Variants in FOCAD observed in about 807,000 individuals in gnomAD.
FOCAD encodes KIAA1797.
In FOCAD, 198 loss-of-function variants were observed where a neutral mutation model predicts 225.6. That is an observed-to-expected ratio of 0.88 (90% confidence interval 0.78 to 0.99). The LOEUF (loss-of-function observed/expected upper bound fraction) is 0.99, where lower values mean the gene tolerates loss of function less well. Among genes scored for constraint, FOCAD ranks in the 50% least tolerant of loss-of-function variants. The probability of loss-of-function intolerance (pLI) is 0.00; values close to 1 mark genes in which losing one functional copy is unlikely to be tolerated. For synonymous variants in FOCAD, 897 were observed against 755.0 expected, an observed-to-expected ratio of 1.19 and a Z score of -3.08; for missense variants, 2,713 against 2,123.6, an observed-to-expected ratio of 1.28 and a Z score of -5.46.
rs1264739950 is a variant in FOCAD, at chr9:20,820,387, G to T, written c.1624G>T (p.Val542Phe). Reference sequence around the variant, plus strand: ...TGGAACCACACCACGACTAAGAGCTGTCACTTTGCGCTTGCTGACATCTTT... The same window carrying T: ...TGGAACCACACCACGACTAAGAGCTTTCACTTTGCGCTTGCTGACATCTTT... ...LLGTTPRLRA[V>F]TLRLLTSLWE... The change falls in exon 13 of 44, where the codon GTC (valine) becomes TTC (phenylalanine). Residue 542 changes from valine (V) to phenylalanine (F), a missense_variant. Val to Phe is a conservative substitution (Grantham distance 50, BLOSUM62 -1). Coordinates refer to ENST00000338382, the MANE Select transcript of FOCAD (RefSeq NM_001375567.1). The T allele has an allele frequency of 1.2e-6, 2 of 1,612,802 alleles. No homozygotes were observed.
chr9:20,986,345 C>T lies in FOCAD; in HGVS notation c.4786C>T (p.Pro1596Ser). The change falls in exon 40 of 44, where the codon CCC becomes TCC. Residue 1596 changes from proline (P) to serine (S), a missense_variant. Physicochemically the swap from Pro to Ser is moderately conservative, Grantham distance 74. Coordinates refer to ENST00000338382, the MANE Select transcript of FOCAD (RefSeq NM_001375567.1). Reference sequence around the variant, plus strand: ...GTACTTAGTCTCTCAAGGACGATTCCCCTTGGTGAACCTGACCGATATGCT... The same window carrying T: ...GTACTTAGTCTCTCAAGGACGATTCTCCTTGGTGAACCTGACCGATATGCT... ...KLYLVSQGRF[P>S]LVNLTDMLSV... 6.6e-7 allele frequency: 1 copy of T among 1,515,882 alleles called. No individual in the cohort carries two copies. The highest frequency in any genetic ancestry group is 8.9e-7 in the Non-Finnish European group (1 of 1,128,008). The allele number at this position is 1,515,882 out of a possible 1,614,324, so 93.9% of individuals were successfully genotyped here. A position where few individuals can be genotyped will look rare whatever the true frequency, so the allele number is the denominator to read the frequency against.
chr9:20,714,643 C>CCTTCCTTA (rs1453527443), intron 1 of FOCAD, among the ~76,000 whole-genome samples: 14 of 121,706 alleles, frequency 1.2e-4, no homozygotes, highest in Admixed American at 4.0e-4. Context: ...TGCCTTCCTT[C>CCTTCCTTA]CTTCCTTCCT....
At chr9:20,886,016 A>G (rs929969486) in intron 21 of FOCAD, among the ~76,000 whole-genome samples, 1 of 152,194 alleles carries the variant, frequency 6.6e-6, no homozygotes, top group Non-Finnish European at 1.5e-5. Context: ...TTTCTATAAC[A>G]TCTTATTTTG....
At chr9:20,765,946 G>A (rs150686087) in intron 7 of FOCAD, among the ~76,000 whole-genome samples, 1 of 152,290 alleles carries the variant, frequency 6.6e-6, no homozygotes, top group Non-Finnish European at 1.5e-5. Flanking sequence ...AGTGACTTGA[G>A]TAAATCTTTC....
At chr9:20,946,899 T>A in intron 30 of FOCAD, 79 bp downstream of exon 30, 1 of 1,523,846 alleles carries the variant, frequency 6.6e-7, no homozygotes, top group Non-Finnish European at 9.0e-7. Context: ...TACTCTGAAT[T>A]AGAGTATAAT....
intron 5 of FOCAD, among the ~76,000 whole-genome samples, chr9:20,755,947 A>C (rs1829005140): frequency 6.6e-6 from 1 of 152,140 alleles, no homozygotes; most frequent in South Asian, 2.1e-4. Flanking sequence ...GGTGTGAATC[A>C]CTGCTACTGG....
At chr9:20,668,222 C>G (rs1190111506) in intron 2 of FOCAD, among the ~76,000 whole-genome samples, 1 of 151,942 alleles carries the variant, frequency 6.6e-6, no homozygotes, top group East Asian at 1.9e-4. Flanking sequence ...TTGCTGAATA[C>G]TTTTAACGTT....
intron 1 of FOCAD, among the ~76,000 whole-genome samples, chr9:20,689,030 G>A (rs1366832301): frequency 6.6e-6 from 1 of 152,194 alleles, no homozygotes; most frequent in African/African-American, 2.4e-5. Flanking sequence ...GTGAAGTTTA[G>A]ACTGGATAGG....
chr9:20,683,339 A>G (rs1822463634), upstream of FOCAD: 1 of 152,178 alleles, frequency 6.6e-6, no homozygotes, highest in Non-Finnish European at 1.5e-5. Flanking sequence ...AGGGTGCCCC[A>G]GGGTTTAGAA....
chr9:20,817,130 G>T (rs1191369587), intron 11 of FOCAD, among the ~76,000 whole-genome samples: 2 of 152,072 alleles, frequency 1.3e-5, no homozygotes, highest in Non-Finnish European at 2.9e-5. Flanking sequence ...ATTACAGTTT[G>T]TGCTATCAAG....
chr9:20,969,399 GCTAT>G (rs1390655651), intron 35 of FOCAD, among the ~76,000 whole-genome samples: 1 of 151,984 alleles, frequency 6.6e-6, no homozygotes, highest in Non-Finnish European at 1.5e-5. Flanking sequence ...TTACTGTAGA[GCTAT>G]CTATTTCTCC....
At chr9:20,866,883 G>GCTTGC (rs374762820) in intron 17 of FOCAD, 46 bp from the exon 18 acceptor site, 2 of 682,760 alleles carry the variant, frequency 2.9e-6, no homozygotes, top group African/African-American at 8.7e-5. Context: ...TTTTTTGTTT[G>GCTTGC]CTTGCTTTTT....
upstream of FOCAD, among the ~76,000 whole-genome samples, chr9:20,656,737 C>T (rs2131243122): frequency 6.6e-6 from 1 of 152,178 alleles, no homozygotes; most frequent in Admixed American, 6.5e-5. Context: ...ATCCAATTTG[C>T]CAGTCTGTGT....
rs140631547 is a variant in FOCAD, at chr9:20,864,850, A to G, written c.2056-1076A>G. 1.9e-4 allele frequency among the ~76,000 whole-genome samples: 29 copies of G among 152,168 alleles called. 1 individual carries two copies. In the East Asian group the frequency reaches 5.6e-3, roughly 29 times the overall value. The stretch of plus-strand genomic sequence containing the variant: ...CTATTCAATCCCCATCACTCTTACT[A>G]GTTTATACCAATTAGTTCTAATCTC... On this transcript the variant is annotated intron_variant, in intron 16 of 43. Transcript: ENST00000338382.
intron 18 of FOCAD, among the ~76,000 whole-genome samples, chr9:20,867,702 A>G (rs1210792275): frequency 2.0e-5 from 3 of 152,102 alleles, no homozygotes; most frequent in African/African-American, 7.2e-5. Flanking sequence ...CTATGAATTC[A>G]AATGCATACA....
At chr9:20,990,428 AG>A in intron 42 of FOCAD, 54 bp downstream of exon 42, 1 of 1,592,092 alleles carries the variant, frequency 6.3e-7, no homozygotes, top group Non-Finnish European at 8.6e-7. Context: ...TCTCTTCAGC[AG>A]TTTCTACTGT....
chr9:20,781,426 A>G (rs1167618988), intron 9 of FOCAD, among the ~76,000 whole-genome samples: 3 of 152,236 alleles, frequency 2.0e-5, no homozygotes, highest in African/African-American at 4.8e-5. Context: ...GCTGAGGGCA[A>G]TACTAGCATC....
intron 32 of FOCAD, 109 bp downstream of exon 32, chr9:20,949,037 T>C: frequency 2.1e-6 from 2 of 974,750 alleles, no homozygotes; most frequent in South Asian, 2.9e-5. Flanking sequence ...TTTATGCTCA[T>C]GGTAATAGTT....
At chr9:20,691,687 A>T (rs1229700889) in intron 1 of FOCAD, among the ~76,000 whole-genome samples, 1 of 151,316 alleles carries the variant, frequency 6.6e-6, no homozygotes, top group Non-Finnish European at 1.5e-5. Flanking sequence ...TCACCATGTT[A>T]GCCAGGATGG....
Sources: allele counts gnomAD v4.1 joint callset (sites outside exome capture counted in the v4.1 genomes callset), GRCh38; gene constraint gnomAD v4.1.1; transcripts MANE v1.5; gene names NCBI Gene and HGNC (gene_info 2026-07-23, HGNC 2026-07-21).